Variants in UNC79 observed in about 807,000 individuals in gnomAD.
UNC79 encodes the protein unc-79 subunit of NALCN channel complex, also known as protein unc-79 homolog.
In UNC79, 37 loss-of-function variants were observed where a neutral mutation model predicts 283.1. That is an observed-to-expected ratio of 0.13 (90% CI 0.10 to 0.17). UNC79 has a LOEUF of 0.17. Ranked by LOEUF, UNC79 falls within the 10% of genes least tolerant of loss-of-function variation. The pLI, the probability that UNC79 is intolerant of heterozygous loss-of-function variation, is 1.00. For synonymous variants in UNC79, 1,107 were observed against 1,200.2 expected, an observed-to-expected ratio of 0.92 and a Z score of 1.61; for missense variants, 2,272 against 3,211.1, an observed-to-expected ratio of 0.71 and a Z score of 7.07.
intron 1 of UNC79, among the ~76,000 whole-genome samples, chr14:93,424,244 G>C (rs1291811952): frequency 6.6e-6 from 1 of 152,048 alleles, no homozygotes; most frequent in Non-Finnish European, 1.5e-5. Context: ...GGAGAAAAGG[G>C]AACCCTCATA....
At chr14:93,591,400 G>A (rs138786847) in intron 22 of UNC79, among the ~76,000 whole-genome samples, 2,833 of 152,210 alleles carry the variant, frequency 0.019, 46 homozygotes, top group Middle Eastern at 0.037. Context: ...ACCTCTAATA[G>A]CTTACTGTTG....
intron 4 of UNC79, among the ~76,000 whole-genome samples, chr14:93,479,729 G>A (rs376615087): frequency 1.1e-4 from 17 of 152,116 alleles, no homozygotes; most frequent in Admixed American, 4.6e-4. Context: ...CAAACTCCTC[G>A]GCTTAAGCGA....
At chr14:93,656,394 C>T (rs1272528460) in intron 38 of UNC79, among the ~76,000 whole-genome samples, 1 of 151,960 alleles carries the variant, frequency 6.6e-6, no homozygotes, top group Non-Finnish European at 1.5e-5. Context: ...CGCTTGAACC[C>T]AGGAGTTTGA....
chr14:93,597,126 G>C (rs913589156), intron 23 of UNC79, among the ~76,000 whole-genome samples: 2 of 152,082 alleles, frequency 1.3e-5, no homozygotes, highest in African/African-American at 2.4e-5. Context: ...AGGCTGCGTG[G>C]GAAAAAAAAG....
intron 47 of UNC79, among the ~76,000 whole-genome samples, chr14:93,704,136 G>A (rs765411903): frequency 1.3e-5 from 2 of 152,184 alleles, no homozygotes; most frequent in Non-Finnish European, 2.9e-5. Flanking sequence ...GCTCAGTCTC[G>A]CTGTATTACA....
chr14:93,455,914 G>A (rs1236669621), intron 1 of UNC79, among the ~76,000 whole-genome samples: 1 of 116,414 alleles, frequency 8.6e-6, no homozygotes, highest in Non-Finnish European at 1.9e-5. Context: ...ACAATGGATT[G>A]TGTGTGTGTG....
chr14:93,621,322 G>C lies in UNC79; in HGVS notation c.4388-299G>C, dbSNP rs1206031571. 6.6e-6 allele frequency among the ~76,000 whole-genome samples: 1 copy of C among 152,100 alleles called. No individual in the cohort carries two copies. Among genetic ancestry groups the C allele is most frequent in the Admixed American group, 6.5e-5 (1 of 15,276 alleles). On this transcript the variant is annotated intron_variant, in intron 29 of 48. Coordinates refer to ENST00000555664, the Ensembl canonical transcript of UNC79. The surrounding 1 kb of genome is among the most constrained non-coding windows in gnomAD (Gnocchi z 4.8). ...GATTTGAATACAGTTTCCTAGATCTGCCTCAGCCAAAAAATGATCCCCTCT... is the reference window on the plus strand; with the variant it reads ...GATTTGAATACAGTTTCCTAGATCTCCCTCAGCCAAAAAATGATCCCCTCT...
At chr14:93,654,760 C>T (rs1254148912) in intron 37 of UNC79, among the ~76,000 whole-genome samples, 2 of 152,160 alleles carry the variant, frequency 1.3e-5, no homozygotes, top group Non-Finnish European at 2.9e-5. Context: ...CACAGAACAA[C>T]TTGGTTTTCC....
chr14:93,378,982 A>G (rs532923512), intron 1 of UNC79, among the ~76,000 whole-genome samples: 2 of 152,232 alleles, frequency 1.3e-5, no homozygotes, highest in African/African-American at 4.8e-5. Flanking sequence ...ATGGAAGCCA[A>G]CTTTAGACAG....
intron 35 of UNC79, among the ~76,000 whole-genome samples, chr14:93,649,603 A>AT (rs2070017892): frequency 6.6e-6 from 1 of 152,214 alleles, no homozygotes; most frequent in Non-Finnish European, 1.5e-5. Context: ...TAATTGAGAA[A>AT]TAAAAATTAT....
chr14:93,400,485 G>A (rs2140026924), intron 1 of UNC79, among the ~76,000 whole-genome samples: 1 of 152,216 alleles, frequency 6.6e-6, no homozygotes, highest in Admixed American at 6.5e-5. Context: ...AAGCATCCTG[G>A]GAGTTCAGAT....
chr14:93,672,885 G>T (rs1053069192), intron 40 of UNC79, among the ~76,000 whole-genome samples: 27 of 152,190 alleles, frequency 1.8e-4, no homozygotes, highest in African/African-American at 5.6e-4. Context: ...GACAAAGAGG[G>T]TGGTAGGTGC....
intron 24 of UNC79, among the ~76,000 whole-genome samples, chr14:93,599,468 C>T (rs1391233380): frequency 1.3e-5 from 2 of 152,056 alleles, no homozygotes; most frequent in African/African-American, 2.4e-5. Flanking sequence ...GCTTGCACGA[C>T]CTGAAAGACT....
chr14:93,569,206 C>T (rs1048247737), intron 14 of UNC79, among the ~76,000 whole-genome samples: 3 of 152,244 alleles, frequency 2.0e-5, no homozygotes, highest in Non-Finnish European at 2.9e-5. Flanking sequence ...GAGGCCAAGG[C>T]GGGCAGACTG....
intron 7 of UNC79, among the ~76,000 whole-genome samples, chr14:93,517,471 G>A (rs1216947404): frequency 1.2e-5 from 1 of 80,994 alleles, no homozygotes; most frequent in African/African-American, 3.9e-5. Flanking sequence ...GTTTTTCATA[G>A]ATTTTTTTTT....
At chr14:93,636,506 G>C (rs889587697) in intron 31 of UNC79, among the ~76,000 whole-genome samples, 1 of 152,084 alleles carries the variant, frequency 6.6e-6, no homozygotes, top group African/African-American at 2.4e-5. Context: ...TAATTTGCTG[G>C]TCTCCACCAG....
intron 1 of UNC79, among the ~76,000 whole-genome samples, chr14:93,418,719 G>A (rs1595452168): frequency 6.6e-6 from 1 of 151,906 alleles, no homozygotes; most frequent in Admixed American, 6.5e-5. Context: ...AGCAAGCCTG[G>A]GCAATGGTGG....
intron 1 of UNC79, among the ~76,000 whole-genome samples, chr14:93,359,445 C>A (rs2054174260): frequency 6.6e-6 from 1 of 152,228 alleles, no homozygotes; most frequent in East Asian, 1.9e-4. Flanking sequence ...GTGGGAACTG[C>A]AGTCACTCAA....
chr14:93,336,805 G>GTGCATCAA (rs1272131412), intron 1 of UNC79, among the ~76,000 whole-genome samples: 1 of 152,192 alleles, frequency 6.6e-6, no homozygotes, highest in Non-Finnish European at 1.5e-5. Context: ...ATGAACTTAA[G>GTGCATCAA]TGCATCAAAA....
Sources: allele counts gnomAD v4.1 joint callset (sites outside exome capture counted in the v4.1 genomes callset), GRCh38; gene constraint gnomAD v4.1.1; non-coding constraint Gnocchi (gnomAD v3.1); transcripts MANE v1.5; gene names NCBI Gene and HGNC (gene_info 2026-07-23, HGNC 2026-07-21).